Variants in TFAM observed in about 807,000 individuals in gnomAD.
TFAM encodes transcription factor A, mitochondrial.
TFAM carries 13 observed loss-of-function variants against 30.6 expected under a neutral mutation model. The observed-to-expected ratio is 0.42, with a 90% CI of 0.28 to 0.67. TFAM has a LOEUF of 0.67. Ranked by LOEUF, TFAM falls within the 30% of genes least tolerant of loss-of-function variation. The probability of loss-of-function intolerance (pLI) is 0.21; values close to 1 mark genes in which losing one functional copy is unlikely to be tolerated. For synonymous variants in TFAM, 106 were observed against 94.8 expected (o/e 1.12, Z -0.69); for missense variants, 231 against 293.7 (o/e 0.79, Z 1.56).
intron 3 of TFAM, 120 bp from the exon 4 acceptor site, chr10:58,388,550 A>G (rs1343201676): frequency 1.8e-6 from 2 of 1,111,340 alleles, no homozygotes; most frequent in African/African-American, 1.5e-5. Flanking sequence ...CCCAGAGCAC[A>G]TTTTCCACCT....
intron 1 of TFAM, 61 bp downstream of exon 1, chr10:58,385,709 G>A: frequency 1.6e-6 from 2 of 1,277,516 alleles, no homozygotes; most frequent in Non-Finnish European, 2.2e-6. Flanking sequence ...GGGTTGGAAT[G>A]TAGACCCTAT....
At chr10:58,387,307 G>C (rs1840508781) in intron 2 of TFAM, among the ~76,000 whole-genome samples, 1 of 152,052 alleles carries the variant, frequency 6.6e-6, no homozygotes, top group Non-Finnish European at 1.5e-5. Context: ...TTATAGGTAA[G>C]GAGTTAGTTT....
At chr10:58,390,933 G>A (rs1196104915) in intron 5 of TFAM, 73 bp downstream of exon 5, 1 of 1,330,766 alleles carries the variant, frequency 7.5e-7, no homozygotes, top group Non-Finnish European at 1.0e-6. Flanking sequence ...CCATGTGTCA[G>A]GTAGTGAAGA....
chr10:58,386,391 A>G, intron 2 of TFAM, 53 bp downstream of exon 2: 1 of 1,285,214 alleles, frequency 7.8e-7, no homozygotes, highest in Non-Finnish European at 1.1e-6. Flanking sequence ...AATGCCATTA[A>G]GCAGTTAAAT....
chr10:58,393,014 CTG>C (rs1473404137), intron 5 of TFAM, among the ~76,000 whole-genome samples: 1 of 152,014 alleles, frequency 6.6e-6, no homozygotes, highest in East Asian at 1.9e-4. Context: ...GAGTCTCACT[CTG>C]TGGCCCAGGC....
intron 4 of TFAM, among the ~76,000 whole-genome samples, chr10:58,389,603 A>G (rs549444325): frequency 1.3e-5 from 2 of 152,334 alleles, no homozygotes; most frequent in South Asian, 2.1e-4. Flanking sequence ...GGACCCGCCC[A>G]GTTTCGAGAC....
chr10:58,394,322 A>T lies in TFAM; in HGVS notation c.538-36A>T, dbSNP rs773710226. ...AATAATAAAGGTCACTGAAGTCCCC[A>T]TATCTACCTTAACTTAAACATATAT... On this transcript the variant is annotated intron_variant, in intron 5 of 6. Coordinates refer to ENST00000487519, the MANE Select transcript of TFAM (RefSeq NM_003201.3). 6 of 1,507,380 alleles carry T rather than the reference A, an allele frequency of 4.0e-6. No individual in the cohort carries two copies. The East Asian group carries it at 1.1e-4, about 28-fold the overall frequency. The allele number at this position is 1,507,380 out of a possible 1,614,324, so 93.4% of individuals were successfully genotyped here. A position where few individuals can be genotyped will look rare whatever the true frequency, so the allele number is the denominator to read the frequency against.
chr10:58,387,072 T>C (rs1840504797), intron 2 of TFAM, among the ~76,000 whole-genome samples: 2 of 152,028 alleles, frequency 1.3e-5, no homozygotes, highest in Non-Finnish European at 2.9e-5. Context: ...GAGAACAGCC[T>C]GGGAAACATG....
rs1253340159 is a variant in TFAM at position 58,397,168 on chromosome 10, T to A, written c.*2094T>A. The A allele has an allele frequency of 6.6e-6, 1 of 152,156 alleles. No individual in the cohort carries two copies. Among genetic ancestry groups the A allele is most frequent in the Admixed American group, 6.5e-5 (1 of 15,272 alleles). 9.4% of individuals were successfully genotyped at this position (152,156 alleles called of 1,614,324 possible). On this transcript the variant is annotated 3_prime_UTR_variant, in exon 7 of 7. Transcript: ENST00000487519. Reference sequence around the variant, plus strand: ...TCGACTCAATTCTGTTCTCTTCAGATGAGCTCAGAGAGCACATAGGAGTGT... The same window carrying A: ...TCGACTCAATTCTGTTCTCTTCAGAAGAGCTCAGAGAGCACATAGGAGTGT...
chr10:58,392,809 G>A (rs1840620820), intron 5 of TFAM, among the ~76,000 whole-genome samples: 1 of 151,776 alleles, frequency 6.6e-6, no homozygotes, highest in South Asian at 2.1e-4. Context: ...TGAGTAGCCA[G>A]GTCTACAGTC....
chr10:58,387,865 G>A (rs1840519588), intron 2 of TFAM, among the ~76,000 whole-genome samples: 1 of 152,022 alleles, frequency 6.6e-6, no homozygotes, highest in Non-Finnish European at 1.5e-5. Context: ...AGGAGGTGGA[G>A]GTTGCATTAG....
At position 58,385,498 on chromosome 10, in the gene TFAM, A is replaced by G. The variant is rs41283686; in HGVS notation, c.-50A>G. Reference sequence around the variant, plus strand: ...GTGATTGCTGGAGTTGTGTATTGCCAGGAGGCTCTCCGAGATTGGGGTCGG... The same window carrying G: ...GTGATTGCTGGAGTTGTGTATTGCCGGGAGGCTCTCCGAGATTGGGGTCGG... On this transcript the variant is annotated 5_prime_UTR_variant, in exon 1 of 7. Coordinates refer to ENST00000487519, the MANE Select transcript of TFAM (RefSeq NM_003201.3). 4.6e-3 allele frequency: 6,528 copies of G among 1,423,766 alleles called. 33 individuals carry two copies. The highest frequency in any genetic ancestry group is 4.9e-3 in the Non-Finnish European group (5,078 of 1,030,212). 88.2% of individuals were successfully genotyped at this position (1,423,766 alleles called of 1,614,324 possible).
rs949230147 is a variant in TFAM, at chr10:58,397,379, G to A, written c.*2305G>A. 1 of 151,932 alleles carries A rather than the reference G, an allele frequency of 6.6e-6. No individual in the cohort carries two copies. The highest frequency in any genetic ancestry group is 2.4e-5 in the African/African-American group (1 of 41,346). The allele number at this position is 151,932 out of a possible 1,614,324, so 9.4% of individuals were successfully genotyped here. ...ATATCATACCTTCCCAAATATATTG[G>A]GAAGTTCAGTGTTAAGTACGTTTCT... is the stretch of plus-strand genomic sequence containing the variant. On this transcript the variant is annotated 3_prime_UTR_variant, in exon 7 of 7. Transcript: ENST00000487519.
rs1052525680 is a variant in TFAM at position 58,385,421 on chromosome 10, C to T, written c.-127C>T. Reference sequence around the variant, plus strand: ...TTAGCAGATTTCCCATAGTGCCTCGCTAGTGGCGGGCATGATAACACACGC... The same window carrying T: ...TTAGCAGATTTCCCATAGTGCCTCGTTAGTGGCGGGCATGATAACACACGC... On this transcript the variant is annotated 5_prime_UTR_variant, in exon 1 of 7. Transcript: ENST00000487519. 3 of 740,318 alleles carry T rather than the reference C, an allele frequency of 4.1e-6. No homozygotes were observed. The highest frequency in any genetic ancestry group is 7.2e-6 in the Non-Finnish European group (3 of 418,180). The allele number at this position is 740,318 out of a possible 1,614,324, so 45.9% of individuals were successfully genotyped here.
At chr10:58,386,128 G>A in intron 1 of TFAM, 92 bp from the exon 2 acceptor site, 3 of 888,566 alleles carry the variant, frequency 3.4e-6, no homozygotes, top group South Asian at 1.3e-5. Flanking sequence ...GTATCTTGAT[G>A]ACATTTCTTA....
chr10:58,386,757 C>T (rs542797605), intron 2 of TFAM: 1 of 937,498 alleles, frequency 1.1e-6, no homozygotes, highest in African/African-American at 1.8e-5. Context: ...CAATTTACTG[C>T]TAATTTCAAG....
Position 58,394,387 on chromosome 10 carries a change from GA to G in TFAM, c.572del (p.Asn191IlefsTer25). 6.2e-7 allele frequency: 1 copy of G among 1,613,656 alleles called. No individual in the cohort carries two copies. ...AGCTGAAGACTGTAAAGGAAAACTGGAAAAATCTGTCTGACTCTGAAAAGGA... is the reference window on the plus strand; with the variant it reads ...AGCTGAAGACTGTAAAGGAAAACTGGAAAATCTGTCTGACTCTGAAAAGGA... The part of the protein sequence containing the change: ...EKLKTVKENW[K>X]NLSDSEKELY... On this transcript the variant is annotated frameshift_variant, in exon 6 of 7. Coordinates refer to ENST00000487519, the MANE Select transcript of TFAM (RefSeq NM_003201.3). LOFTEE classifies it low-confidence loss of function (END_TRUNC).
intron 2 of TFAM, chr10:58,386,788 A>T: frequency 1.2e-6 from 1 of 813,220 alleles, no homozygotes; most frequent in Non-Finnish European, 1.5e-6. Flanking sequence ...ATAAGAAAGG[A>T]TAAACCTTTT....
chr10:58,385,855 C>T (rs554956180), intron 1 of TFAM, among the ~76,000 whole-genome samples: 2 of 152,286 alleles, frequency 1.3e-5, no homozygotes, highest in East Asian at 1.9e-4. Flanking sequence ...TTCTTGCTAC[C>T]CTCCACTCGC....
Sources: gnomAD v4.1 joint callset for allele counts (sites outside exome capture counted in the v4.1 genomes callset) on GRCh38, gnomAD v4.1.1 for gene constraint, MANE v1.5 for transcripts, NCBI Gene and HGNC (gene_info 2026-07-23, HGNC 2026-07-21) for gene names.